Variants in ATP6V1H observed in about 807,000 individuals in gnomAD.
ATP6V1H encodes the protein ATPase H+ transporting V1 subunit H, also known as V-type proton ATPase subunit H.
A neutral mutation model predicts 71.7 loss-of-function variants in ATP6V1H; 39 were observed. The observed-to-expected ratio is 0.54, with a 90% CI of 0.42 to 0.71. The LOEUF (loss-of-function observed/expected upper bound fraction) is 0.71. ATP6V1H is among the 30% of genes least tolerant of loss of function. The probability of loss-of-function intolerance (pLI) is 0.00; values close to 1 mark genes in which losing one functional copy is unlikely to be tolerated. For synonymous variants in ATP6V1H, 192 were observed against 199.3 expected (o/e 0.96, Z 0.31); for missense variants, 509 against 594.9 (o/e 0.86, Z 1.50).
At chr8:53,785,724 T>C (rs555278575) in intron 9 of ATP6V1H, among the ~76,000 whole-genome samples, 1 of 152,322 alleles carries the variant, frequency 6.6e-6, no homozygotes, top group Non-Finnish European at 1.5e-5. Flanking sequence ...TTGGAGTGGA[T>C]GTCCTTTCTG....
At position 53,811,224 on chromosome 8, in the gene ATP6V1H, C is replaced by T. The variant is rs375111031; in HGVS notation, c.526-7G>A. On this transcript the variant is annotated splice_polypyrimidine_tract_variant and splice_region_variant and intron_variant, in intron 6 of 13. Transcript: ENST00000359530. ...CACCGCTACCACGCAGTTTCTATTA[C>T]GAAATAAATAACTCATTATTTAGTT... 73 of 1,611,674 alleles carry T rather than the reference C, an allele frequency of 4.5e-5. No individual in the cohort carries two copies. The highest frequency in any genetic ancestry group is 4.3e-4 in the African/African-American group (32 of 74,952).
chr8:53,801,339 T>C (rs772660207), intron 8 of ATP6V1H, among the ~76,000 whole-genome samples: 4 of 152,226 alleles, frequency 2.6e-5, no homozygotes, highest in Non-Finnish European at 5.9e-5. Context: ...TTCCATTGTT[T>C]TGGAGGTTTT....
chr8:53,795,409 C>T (rs901188188), intron 9 of ATP6V1H, among the ~76,000 whole-genome samples: 3 of 152,106 alleles, frequency 2.0e-5, no homozygotes, highest in Admixed American at 1.3e-4. Context: ...AATCCAATTG[C>T]ATTTCCCTAC....
At chr8:53,802,660 C>T (rs1809951058) in intron 7 of ATP6V1H, among the ~76,000 whole-genome samples, 2 of 152,106 alleles carry the variant, frequency 1.3e-5, no homozygotes, top group Admixed American at 1.3e-4. Flanking sequence ...GCAGAGGTTG[C>T]AGTGAGCCAA....
intron 9 of ATP6V1H, 131 bp from the exon 10 acceptor site, chr8:53,772,298 G>T (rs929317140): frequency 5.7e-6 from 4 of 697,476 alleles, no homozygotes; most frequent in East Asian, 5.5e-5. Context: ...TTAAGTGGAT[G>T]ACTCTATCTC....
intron 7 of ATP6V1H, among the ~76,000 whole-genome samples, chr8:53,805,412 A>G (rs1461101653): frequency 2.0e-5 from 3 of 152,274 alleles, no homozygotes; most frequent in African/African-American, 4.8e-5. Context: ...AATATGTTTC[A>G]TGACTATTAA....
At position 53,808,755 on chromosome 8, in the gene ATP6V1H, C is replaced by T. The variant is rs551140980; in HGVS notation, c.579+2409G>A. Among the ~76,000 whole-genome samples, 333 of 150,728 alleles carry T rather than the reference C, an allele frequency of 2.2e-3. 2 individuals are homozygous for T. The highest frequency in any genetic ancestry group is 7.9e-3 in the African/African-American group (322 of 40,946). The stretch of plus-strand genomic sequence containing the variant: ...GGCAGAAGTTGCAGTGAGCTGAGAT[C>T]GCACCACTGCACTCCAACCTGGGTG... On this transcript the variant is annotated intron_variant, in intron 7 of 13. Transcript: ENST00000359530.
intron 13 of ATP6V1H, among the ~76,000 whole-genome samples, chr8:53,730,279 T>A (rs567472109): frequency 3.3e-5 from 5 of 152,330 alleles, no homozygotes; most frequent in African/African-American, 1.2e-4. Flanking sequence ...TCGGTAGGTA[T>A]TTGTTTCTTG....
intron 9 of ATP6V1H, among the ~76,000 whole-genome samples, chr8:53,773,429 T>TA (rs1187936444): frequency 1.3e-5 from 2 of 152,104 alleles, no homozygotes; most frequent in East Asian, 1.9e-4. Flanking sequence ...GGCAACTACT[T>TA]AAAAAAACAG....
At chr8:53,722,735 C>T (rs1806668423) in intron 13 of ATP6V1H, among the ~76,000 whole-genome samples, 1 of 152,086 alleles carries the variant, frequency 6.6e-6, no homozygotes, top group Non-Finnish European at 1.5e-5. Flanking sequence ...CATCTTTCTC[C>T]TAAAGGAAAA....
intron 4 of ATP6V1H, among the ~76,000 whole-genome samples, chr8:53,818,340 T>G (rs982576186): frequency 1.2e-4 from 18 of 152,208 alleles, no homozygotes; most frequent in Non-Finnish European, 2.1e-4. Flanking sequence ...TAGTGGTGAT[T>G]TGTGGGTCAT....
intron 3 of ATP6V1H, among the ~76,000 whole-genome samples, chr8:53,831,293 G>A (rs898080664): frequency 2.6e-5 from 4 of 152,154 alleles, no homozygotes; most frequent in African/African-American, 9.7e-5. Context: ...TAGAACCTAT[G>A]GCTCCACACC....
intron 13 of ATP6V1H, among the ~76,000 whole-genome samples, chr8:53,742,006 T>C (rs1360772805): frequency 6.6e-6 from 1 of 152,206 alleles, no homozygotes; most frequent in African/African-American, 2.4e-5. Context: ...AAAGTGACCC[T>C]TTCAAAACAT....
intron 4 of ATP6V1H, among the ~76,000 whole-genome samples, chr8:53,819,745 G>A (rs1431294137): frequency 7.2e-6 from 1 of 139,854 alleles, no homozygotes; most frequent in African/African-American, 2.7e-5. Context: ...TATATAGTGT[G>A]TGTATATATA....
chr8:53,842,846 G>A (rs1170660202), intron 1 of ATP6V1H, 188 bp downstream of exon 1: 3 of 152,332 alleles, frequency 2.0e-5, no homozygotes, highest in African/African-American at 7.2e-5. Context: ...CTGCGAGAAA[G>A]GCTCCAGAAT....
chr8:53,747,330 C>G (rs533530386), intron 12 of ATP6V1H, among the ~76,000 whole-genome samples: 2 of 152,226 alleles, frequency 1.3e-5, no homozygotes, highest in South Asian at 2.1e-4. Flanking sequence ...AATATACCCT[C>G]TAGAGTTATA....
intron 12 of ATP6V1H, among the ~76,000 whole-genome samples, chr8:53,754,654 T>A (rs992529869): frequency 6.6e-6 from 1 of 152,194 alleles, no homozygotes; most frequent in East Asian, 1.9e-4. Flanking sequence ...GCGCAACTTA[T>A]TGTCTCTTTG....
chr8:53,842,996 C>T (rs954475875), intron 1 of ATP6V1H, 38 bp downstream of exon 1: 3 of 152,432 alleles, frequency 2.0e-5, no homozygotes, highest in African/African-American at 7.2e-5. Context: ...CTGACCTGGT[C>T]TGCAGCCTGA....
intron 13 of ATP6V1H, among the ~76,000 whole-genome samples, chr8:53,742,713 G>C (rs887105368): frequency 6.6e-6 from 1 of 152,148 alleles, no homozygotes; most frequent in African/African-American, 2.4e-5. Flanking sequence ...CAGTACTCCT[G>C]GATATTCTCC....
Sources: allele counts gnomAD v4.1 joint callset (sites outside exome capture counted in the v4.1 genomes callset), GRCh38; gene constraint gnomAD v4.1.1; transcripts MANE v1.5; gene names NCBI Gene and HGNC (gene_info 2026-07-23, HGNC 2026-07-21).